Variants in LRP1B observed in about 807,000 individuals in gnomAD.
LRP1B encodes LDL receptor related protein 1B, also known as low-density lipoprotein receptor-related protein 1B.
In LRP1B, 217 loss-of-function variants were observed where a neutral mutation model predicts 556.6. That is an observed-to-expected ratio of 0.39 (90% CI 0.35 to 0.44). The LOEUF is 0.44. Among genes scored for constraint, LRP1B ranks in the 20% least tolerant of loss-of-function variants. The probability of loss-of-function intolerance (pLI) is 1.00; values close to 1 mark genes in which losing one functional copy is unlikely to be tolerated. For missense variants in LRP1B, 5,053 were observed against 5,620.8 expected (o/e 0.90, Z 3.23); for synonymous variants, 2,047 against 1,865.8 (o/e 1.10, Z -2.50).
At chr2:140,919,445 C>G in intron 21 of LRP1B, among the ~76,000 whole-genome samples, 1 of 152,090 alleles carries the variant, frequency 6.6e-6, no homozygotes, top group East Asian at 1.9e-4. Flanking sequence ...CAAGTAACTA[C>G]CACTGGCAGC....
At chr2:141,622,387 T>C (rs1183749618) in intron 2 of LRP1B, among the ~76,000 whole-genome samples, 1 of 152,226 alleles carries the variant, frequency 6.6e-6, no homozygotes, top group East Asian at 1.9e-4. Flanking sequence ...AAATGTTGAA[T>C]AAAGAGAAAG....
At chr2:141,915,605 G>A (rs1000369430) in intron 1 of LRP1B, among the ~76,000 whole-genome samples, 1 of 152,178 alleles carries the variant, frequency 6.6e-6, no homozygotes, top group East Asian at 1.9e-4. Context: ...AAGCTAAAGA[G>A]CTACTGCACA....
chr2:141,801,946 A>G (rs1476945939), intron 2 of LRP1B, among the ~76,000 whole-genome samples: 2 of 152,108 alleles, frequency 1.3e-5, no homozygotes, highest in Non-Finnish European at 2.9e-5. Flanking sequence ...ATAACAAAAT[A>G]CCATACACTA....
At chr2:141,829,714 A>G (rs1697050958) in intron 1 of LRP1B, among the ~76,000 whole-genome samples, 1 of 151,872 alleles carries the variant, frequency 6.6e-6, no homozygotes, top group African/African-American at 2.4e-5. Context: ...CACCTCCCCC[A>G]ATAGGATTTG....
At chr2:141,167,860 A>AAG (rs910280254) in intron 7 of LRP1B, among the ~76,000 whole-genome samples, 1 of 152,020 alleles carries the variant, frequency 6.6e-6, no homozygotes, top group Non-Finnish European at 1.5e-5. Flanking sequence ...TTCAGTGATT[A>AAG]ATATATATTT....
chr2:141,880,898 T>C (rs1698937972), intron 1 of LRP1B, among the ~76,000 whole-genome samples: 1 of 151,996 alleles, frequency 6.6e-6, no homozygotes, highest in South Asian at 2.1e-4. Flanking sequence ...TTCAGGTCAG[T>C]CTGAACAGAC....
intron 2 of LRP1B, among the ~76,000 whole-genome samples, chr2:141,546,177 C>T (rs1685544896): frequency 6.6e-6 from 1 of 152,100 alleles, no homozygotes; most frequent in African/African-American, 2.4e-5. Context: ...GAACATGCTA[C>T]TATCATCAAG....
At chr2:141,315,252 A>ATTTTTTTTTTTTTTT (rs34839276) in intron 3 of LRP1B, among the ~76,000 whole-genome samples, 1 of 77,194 alleles carries the variant, frequency 1.3e-5, no homozygotes, top group African/African-American at 5.2e-5. Flanking sequence ...AATGATTGTA[A>ATTTTTTTTTTTTTTT]TTTTTTTTTT....
chr2:141,371,954 C>G (rs1121373), intron 3 of LRP1B, among the ~76,000 whole-genome samples: 87,272 of 151,874 alleles, frequency 0.57, 25,814 homozygotes, highest in Non-Finnish European at 0.63. Flanking sequence ...TCAATTCTGA[C>G]AGGGAATGCT....
rs1342588679 is a variant in LRP1B, at chr2:140,352,994, TCACA to T, written c.11605_11608del (p.Cys3869ThrfsTer12). 6.2e-7 allele frequency: 1 copy of T among 1,612,868 alleles called. No individual in the cohort carries two copies. The highest frequency in any genetic ancestry group is 8.5e-7 in the Non-Finnish European group (1 of 1,179,310). On this transcript the variant is annotated frameshift_variant, in exon 76 of 91. Coordinates refer to ENST00000389484, the MANE Select transcript of LRP1B (RefSeq NM_018557.3). LOFTEE classifies it high-confidence loss of function. ...GTTATTTCTTTCTTGAAAATTCTGG[TCACA>T]CACACATTTATATGATCCTTCCACA...
Position 141,624,036 on chromosome 2 carries a change from C to CAAAAAAAAAAA in LRP1B, c.206-143514_206-143504dup. On this transcript the variant is annotated intron_variant, in intron 2 of 90. Coordinates refer to ENST00000389484, the MANE Select transcript of LRP1B (RefSeq NM_018557.3). ...AACTCAAAAAAAAAAAAAAATTAAA[C>CAAAAAAAAAAA]AAAAAAAAAAAGAAAAGAAAAAAAA... is the stretch of plus-strand genomic sequence containing the variant. Among the ~76,000 whole-genome samples the CAAAAAAAAAAA allele has an allele frequency of 4.8e-3, 439 of 90,596 alleles. 7 individuals are homozygous for CAAAAAAAAAAA. Among genetic ancestry groups the CAAAAAAAAAAA allele is most frequent in the African/African-American group, 0.016 (391 of 24,050 alleles). 59.4% of individuals were successfully genotyped at this position (90,596 alleles called of 152,430 possible).
intron 6 of LRP1B, among the ~76,000 whole-genome samples, chr2:141,200,104 A>G (rs1681940154): frequency 6.6e-6 from 1 of 152,206 alleles, no homozygotes; most frequent in Admixed American, 6.5e-5. Context: ...AAATCATTCT[A>G]CCATAAAGAC....
chr2:141,366,383 T>A (rs374943259), intron 3 of LRP1B, among the ~76,000 whole-genome samples: 4 of 152,356 alleles, frequency 2.6e-5, no homozygotes, highest in South Asian at 2.1e-4. Context: ...TAAGCTTTCA[T>A]GTATAAATGT....
Position 140,296,983 on chromosome 2 carries a change from G to GT in LRP1B, c.12967+824dup, listed in dbSNP as rs563764383. Among the ~76,000 whole-genome samples, 12 of 152,240 alleles carry GT rather than the reference G, an allele frequency of 7.9e-5. No individual in the cohort carries two copies. In the South Asian group the frequency reaches 2.5e-3, roughly 32 times the overall value. Reference sequence around the variant, plus strand: ...AAAAGAGATGTGGGCACAAGTGAAGGTTTTTTCCAGAAAGAACTTGGCAGA... The same window carrying GT: ...AAAAGAGATGTGGGCACAAGTGAAGGTTTTTTTCCAGAAAGAACTTGGCAGA... On this transcript the variant is annotated intron_variant, in intron 84 of 90. Coordinates refer to ENST00000389484, the MANE Select transcript of LRP1B (RefSeq NM_018557.3).
intron 66 of LRP1B, among the ~76,000 whole-genome samples, chr2:140,405,505 C>A (rs1243261492): frequency 6.6e-6 from 1 of 151,998 alleles, no homozygotes; most frequent in Admixed American, 6.6e-5. Flanking sequence ...CAAATAAGCT[C>A]AATTAAAAAT....
intron 1 of LRP1B, among the ~76,000 whole-genome samples, chr2:142,099,754 C>A (rs1430730281): frequency 6.6e-6 from 1 of 151,868 alleles, no homozygotes; most frequent in Non-Finnish European, 1.5e-5. Flanking sequence ...AATTAGTTTG[C>A]TCAAGTGCCT....
Position 140,469,459 on chromosome 2 carries a change from C to T in LRP1B, c.9625+5679G>A, listed in dbSNP as rs75902324. ...AGCCAATAGTATTCTGTTAAAGCAT[C>T]CCAGACAGACTAAGACACAGGGTAT... On this transcript the variant is annotated intron_variant, in intron 60 of 90. Coordinates refer to ENST00000389484, the MANE Select transcript of LRP1B (RefSeq NM_018557.3). Among the ~76,000 whole-genome samples, 525 of 152,232 alleles carry T rather than the reference C, an allele frequency of 3.4e-3. 8 individuals are homozygous for T. Among genetic ancestry groups the T allele is most frequent in the African/African-American group, 0.012 (487 of 41,536 alleles).
intron 3 of LRP1B, among the ~76,000 whole-genome samples, chr2:141,334,025 T>C (rs1446561279): frequency 6.6e-6 from 1 of 152,246 alleles, no homozygotes; most frequent in Non-Finnish European, 1.5e-5. Context: ...AGAGGATTTA[T>C]TATGAAAAGA....
intron 3 of LRP1B, among the ~76,000 whole-genome samples, chr2:141,320,446 G>T: frequency 6.6e-6 from 1 of 151,968 alleles, no homozygotes; most frequent in East Asian, 1.9e-4. Flanking sequence ...GAGTACGGGC[G>T]GTGAGGGGAG....
Sources: allele counts gnomAD v4.1 joint callset (sites outside exome capture counted in the v4.1 genomes callset), GRCh38; gene constraint gnomAD v4.1.1; transcripts MANE v1.5; gene names NCBI Gene and HGNC (gene_info 2026-07-23, HGNC 2026-07-21).